The following TBC1D4 variants were observed in gnomAD, a reference collection of about 807,000 sequenced individuals.
TBC1D4 encodes TBC (Tre-2, BUB2, CDC16) domain-containing protein.
A neutral mutation model predicts 142.5 loss-of-function variants in TBC1D4; 121 were observed. The ratio of observed to expected loss-of-function variants is 0.85; its 90% CI spans 0.73 to 0.99. The LOEUF (loss-of-function observed/expected upper bound fraction) is 0.99. Ranked by LOEUF, TBC1D4 falls within the 50% of genes least tolerant of loss-of-function variation. The pLI, the probability that TBC1D4 is intolerant of heterozygous loss-of-function variation, is 0.00. For synonymous variants in TBC1D4, 630 were observed against 628.2 expected (o/e 1.00, Z -0.04); for missense variants, 1,475 against 1,606.6 (o/e 0.92, Z 1.40).
intron 1 of TBC1D4, among the ~76,000 whole-genome samples, chr13:75,392,159 CA>C (rs1278162835): frequency 6.6e-6 from 1 of 152,128 alleles, no homozygotes; most frequent in African/African-American, 2.4e-5. Context: ...AGATTTTCAA[CA>C]AATATTTGCT....
At chr13:75,353,224 A>G (rs1593777532) in intron 4 of TBC1D4, among the ~76,000 whole-genome samples, 1 of 152,240 alleles carries the variant, frequency 6.6e-6, no homozygotes, top group East Asian at 1.9e-4. Flanking sequence ...TGTTTCCAAA[A>G]CTCATTCTAC....
intron 1 of TBC1D4, among the ~76,000 whole-genome samples, chr13:75,457,024 C>T (rs1391751372): frequency 6.6e-6 from 1 of 151,922 alleles, no homozygotes; most frequent in Non-Finnish European, 1.5e-5. Flanking sequence ...AGAGGTCAGA[C>T]ATAAAAGAGT....
At chr13:75,310,441 G>A (rs1418732640) in intron 13 of TBC1D4, among the ~76,000 whole-genome samples, 2 of 152,058 alleles carry the variant, frequency 1.3e-5, no homozygotes, top group Non-Finnish European at 2.9e-5. Context: ...CCTCTCCTGA[G>A]TCCAACACTT....
chr13:75,421,267 T>C (rs1329494113), intron 1 of TBC1D4, among the ~76,000 whole-genome samples: 1 of 152,180 alleles, frequency 6.6e-6, no homozygotes, highest in Non-Finnish European at 1.5e-5. Context: ...TTTGGCCACG[T>C]ACAATCTCTC....
chr13:75,310,192 AC>A, intron 13 of TBC1D4, 41 bp from the exon 14 acceptor site: 1 of 1,571,278 alleles, frequency 6.4e-7, no homozygotes, highest in Non-Finnish European at 8.7e-7. Flanking sequence ...CTTAGCAGTA[AC>A]CCAGACTACC....
In TBC1D4 at chr13:75,302,177, C is replaced by CA. The variant is rs1490630110; in HGVS notation, c.2911+65dup. 12 of 1,604,866 alleles carry CA rather than the reference C, an allele frequency of 7.5e-6. No individual in the cohort carries two copies. The East Asian group carries it at 1.3e-4, about 18-fold the overall frequency. On this transcript the variant is annotated intron_variant, in intron 16 of 20. Transcript: ENST00000377636. ...ATCAGCACCAAGAACAAACAAAAAC[C>CA]AAAAAAACTTAACAGAGGGATCAGC...
At chr13:75,329,345 G>C (rs953038121) in intron 8 of TBC1D4, among the ~76,000 whole-genome samples, 23 of 151,676 alleles carry the variant, frequency 1.5e-4, no homozygotes, top group Non-Finnish European at 5.9e-5. Flanking sequence ...CTCTCCTACA[G>C]TTCACAATAT....
At chr13:75,408,025 T>C (rs1346377647) in intron 1 of TBC1D4, among the ~76,000 whole-genome samples, 1 of 152,208 alleles carries the variant, frequency 6.6e-6, no homozygotes, top group African/African-American at 2.4e-5. Context: ...CACTGCTTTT[T>C]AGCATATTTA....
At chr13:75,372,085 C>T (rs991322158) in intron 1 of TBC1D4, among the ~76,000 whole-genome samples, 2 of 151,990 alleles carry the variant, frequency 1.3e-5, no homozygotes, top group African/African-American at 2.4e-5. Context: ...GTTAATGTTC[C>T]ATTTTCTATA....
chr13:75,297,029 G>A (rs1876001858), intron 17 of TBC1D4, among the ~76,000 whole-genome samples: 1 of 152,028 alleles, frequency 6.6e-6, no homozygotes. Flanking sequence ...ACCCAAAACA[G>A]TACCTCCTGC....
At chr13:75,340,491 A>C (rs1468197030) in intron 7 of TBC1D4, among the ~76,000 whole-genome samples, 18 of 152,244 alleles carry the variant, frequency 1.2e-4, no homozygotes, top group Non-Finnish European at 1.2e-4. Context: ...GTTCATATGA[A>C]TTGGAAATAA....
At chr13:75,391,460 C>T (rs894833291) in intron 1 of TBC1D4, among the ~76,000 whole-genome samples, 4 of 152,298 alleles carry the variant, frequency 2.6e-5, no homozygotes, top group African/African-American at 7.2e-5. Flanking sequence ...ACGGTTAATT[C>T]CCAGTCCCTA....
At chr13:75,453,964 T>C (rs1305000281) in intron 1 of TBC1D4, among the ~76,000 whole-genome samples, 1 of 151,464 alleles carries the variant, frequency 6.6e-6, no homozygotes, top group African/African-American at 2.4e-5. Context: ...AACATGAAAA[T>C]AAAAGGAATA....
intron 7 of TBC1D4, 136 bp from the exon 8 acceptor site, chr13:75,337,176 G>T: frequency 1.3e-6 from 1 of 752,074 alleles, no homozygotes; most frequent in Non-Finnish European, 2.2e-6. Flanking sequence ...AATAATTTAG[G>T]TCCCACACTG....
At chr13:75,475,635 C>G (rs890728026) in intron 1 of TBC1D4, among the ~76,000 whole-genome samples, 6 of 152,108 alleles carry the variant, frequency 3.9e-5, no homozygotes, top group South Asian at 2.1e-4. Context: ...AAATAATATA[C>G]CAGATAATCT....
intron 1 of TBC1D4, among the ~76,000 whole-genome samples, chr13:75,363,883 C>T (rs1882734954): frequency 6.6e-6 from 1 of 152,212 alleles, no homozygotes. Context: ...TGAGACAGGT[C>T]TCAATCAGTT....
At chr13:75,375,198 A>G (rs986583957) in intron 1 of TBC1D4, among the ~76,000 whole-genome samples, 6 of 152,226 alleles carry the variant, frequency 3.9e-5, no homozygotes, top group South Asian at 4.1e-4. Context: ...TAAAACCAAG[A>G]GGAAAATGAA....
chr13:75,461,152 A>G (rs1320874753), intron 1 of TBC1D4, among the ~76,000 whole-genome samples: 1 of 152,214 alleles, frequency 6.6e-6, no homozygotes, highest in African/African-American at 2.4e-5. Context: ...GAGTGAATCT[A>G]ACTATTCTGC....
chr13:75,320,415 G>A (rs186517566), intron 11 of TBC1D4, among the ~76,000 whole-genome samples: 1 of 151,890 alleles, frequency 6.6e-6, no homozygotes, highest in Non-Finnish European at 1.5e-5. Context: ...AAATATGTCT[G>A]TGATAATATT....
Sources: allele counts gnomAD v4.1 joint callset (sites outside exome capture counted in the v4.1 genomes callset), GRCh38; gene constraint gnomAD v4.1.1; transcripts MANE v1.5; gene names NCBI Gene and HGNC (gene_info 2026-07-23, HGNC 2026-07-21).